Variants in ZNF804B observed in about 807,000 individuals in gnomAD.
The protein encoded by ZNF804B is zinc finger 804B.
In ZNF804B, 80 loss-of-function variants were observed where a neutral mutation model predicts 101.4. The observed-to-expected ratio is 0.79, with a 90% CI of 0.66 to 0.95. The LOEUF (loss-of-function observed/expected upper bound fraction) is 0.95, where lower values mean the gene tolerates loss of function less well. ZNF804B is among the 40% of genes least tolerant of loss of function. The probability of loss-of-function intolerance (pLI) is 0.00; values close to 1 mark genes in which losing one functional copy is unlikely to be tolerated. For missense variants in ZNF804B, 1,673 were observed against 1,561.9 expected (o/e 1.07, Z -1.20); for synonymous variants, 622 against 558.8 (o/e 1.11, Z -1.59).
chr7:88,920,121 GCAAAA>G (rs1043930722), intron 1 of ZNF804B, among the ~76,000 whole-genome samples: 1 of 151,846 alleles, frequency 6.6e-6, no homozygotes, highest in Non-Finnish European at 1.5e-5. Context: ...GGTTAAAAAA[GCAAAA>G]CAAAACAAAA....
chr7:89,298,207 T>TATATATATCTATATA (rs1276613801), intron 2 of ZNF804B, among the ~76,000 whole-genome samples: 77 of 73,880 alleles, frequency 1.0e-3, no homozygotes, highest in African/African-American at 4.9e-3. Flanking sequence ...ATATAGTGTG[T>TATATATATCTATATA]GTGTGTGTGT....
At chr7:89,316,092 A>G (rs1188951905) in intron 2 of ZNF804B, among the ~76,000 whole-genome samples, 2 of 152,132 alleles carry the variant, frequency 1.3e-5, no homozygotes, top group African/African-American at 4.8e-5. Context: ...ACTTAATATT[A>G]ATTCTGTTGG....
chr7:89,276,754 T>C (rs929912302), intron 2 of ZNF804B, among the ~76,000 whole-genome samples: 6 of 151,864 alleles, frequency 4.0e-5, no homozygotes, highest in African/African-American at 1.5e-4. Context: ...TTAAAATTAA[T>C]TTCCTAGCAT....
At chr7:89,145,492 C>T (rs1207385375) in intron 1 of ZNF804B, among the ~76,000 whole-genome samples, 2 of 151,966 alleles carry the variant, frequency 1.3e-5, no homozygotes, top group African/African-American at 4.8e-5. Flanking sequence ...TACTATGTGT[C>T]CAGTACTGTG....
intron 1 of ZNF804B, among the ~76,000 whole-genome samples, chr7:89,078,638 C>T (rs1334692504): frequency 1.4e-5 from 2 of 146,630 alleles, no homozygotes; most frequent in East Asian, 2.0e-4. Flanking sequence ...TTGTCTAACA[C>T]GATTTTTTTT....
At chr7:88,871,253 C>T (rs978696250) in intron 1 of ZNF804B, among the ~76,000 whole-genome samples, 1 of 152,048 alleles carries the variant, frequency 6.6e-6, no homozygotes, top group Non-Finnish European at 1.5e-5. Flanking sequence ...TCCCTGTGAA[C>T]TTTAATAAGC....
intron 3 of ZNF804B, among the ~76,000 whole-genome samples, chr7:89,330,502 C>T (rs972225364): frequency 6.6e-6 from 1 of 151,186 alleles, no homozygotes; most frequent in Non-Finnish European, 1.5e-5. Flanking sequence ...TCTCAATAAA[C>T]CTAGAAAAAG....
At chr7:89,218,100 C>A in intron 1 of ZNF804B, 55 bp from the exon 2 acceptor site, 1 of 1,531,632 alleles carries the variant, frequency 6.5e-7, no homozygotes, top group Non-Finnish European at 8.9e-7. Flanking sequence ...AATACGAGAT[C>A]TGGTTATGCT....
chr7:88,805,672 G>T (rs1193958808), intron 1 of ZNF804B, among the ~76,000 whole-genome samples: 1 of 152,162 alleles, frequency 6.6e-6, no homozygotes, highest in Non-Finnish European at 1.5e-5. Flanking sequence ...AGTGTTGATG[G>T]TGCCTGCTTC....
chr7:88,806,410 T>C (rs902815816), intron 1 of ZNF804B, among the ~76,000 whole-genome samples: 1 of 152,146 alleles, frequency 6.6e-6, no homozygotes, highest in Non-Finnish European at 1.5e-5. Context: ...TTGGTTTGGT[T>C]TTCTGGGAAG....
intron 1 of ZNF804B, among the ~76,000 whole-genome samples, chr7:88,975,704 T>C (rs1189123158): frequency 6.6e-6 from 1 of 151,674 alleles, no homozygotes; most frequent in Admixed American, 6.6e-5. Context: ...TTGCAAGTTA[T>C]TCTCCCAATC....
chr7:89,050,681 C>A (rs1789188232), intron 1 of ZNF804B, among the ~76,000 whole-genome samples: 1 of 152,016 alleles, frequency 6.6e-6, no homozygotes, highest in East Asian at 1.9e-4. Context: ...ATTGAAAGAC[C>A]TTCCAAGAAA....
intron 1 of ZNF804B, among the ~76,000 whole-genome samples, chr7:89,067,899 C>T (rs1789478833): frequency 6.7e-6 from 1 of 149,994 alleles, no homozygotes; most frequent in Non-Finnish European, 1.5e-5. Context: ...AGCTCCACCT[C>T]CCAGGTTCAC....
chr7:88,974,802 C>T (rs1793591787), intron 1 of ZNF804B, among the ~76,000 whole-genome samples: 1 of 151,358 alleles, frequency 6.6e-6, no homozygotes, highest in African/African-American at 2.4e-5. Context: ...AAACATTCCA[C>T]TTATACTTTA....
intron 2 of ZNF804B, among the ~76,000 whole-genome samples, chr7:89,237,028 A>G (rs1409634571): frequency 6.6e-6 from 1 of 152,150 alleles, no homozygotes; most frequent in East Asian, 1.9e-4. Flanking sequence ...AACACTTAGA[A>G]TTTAGTAATG....
intron 1 of ZNF804B, among the ~76,000 whole-genome samples, chr7:89,044,311 C>A (rs1180671516): frequency 1.3e-5 from 2 of 152,190 alleles, no homozygotes; most frequent in Non-Finnish European, 2.9e-5. Flanking sequence ...CCCTGTGGAA[C>A]AGTGAGTCAA....
chr7:89,233,949 G>A (rs2115745867), intron 2 of ZNF804B, among the ~76,000 whole-genome samples: 1 of 152,274 alleles, frequency 6.6e-6, no homozygotes, highest in Admixed American at 6.5e-5. Flanking sequence ...GTAGTTTTGT[G>A]TCTACTCCAG....
At chr7:89,209,118 G>T (rs1374293144) in intron 1 of ZNF804B, among the ~76,000 whole-genome samples, 1 of 152,046 alleles carries the variant, frequency 6.6e-6, no homozygotes, top group East Asian at 1.9e-4. Flanking sequence ...ATATTTAATT[G>T]TTTCTTCATG....
intron 2 of ZNF804B, among the ~76,000 whole-genome samples, chr7:89,226,661 A>C (rs1052419935): frequency 6.6e-6 from 1 of 152,032 alleles, no homozygotes; most frequent in Non-Finnish European, 1.5e-5. Context: ...ATTTTCACTT[A>C]ATGTTATATC....
Sources: allele counts gnomAD v4.1 joint callset (sites outside exome capture counted in the v4.1 genomes callset), GRCh38; gene constraint gnomAD v4.1.1; transcripts MANE v1.5; gene names NCBI Gene and HGNC (gene_info 2026-07-23, HGNC 2026-07-21).